Variants in ARHGEF3 observed in about 807,000 individuals in gnomAD.
ARHGEF3 encodes 59.8 kDA protein.
A neutral mutation model predicts 63.2 loss-of-function variants in ARHGEF3; 28 were observed. That is an observed-to-expected ratio of 0.44 (90% confidence interval 0.33 to 0.61). The LOEUF (loss-of-function observed/expected upper bound fraction) is 0.61. ARHGEF3 is among the 20% of genes least tolerant of loss of function. The pLI is 0.03. For synonymous variants in ARHGEF3, 266 were observed against 254.2 expected (o/e 1.05, Z -0.44); for missense variants, 533 against 659.3 (o/e 0.81, Z 2.10).
intron 4 of ARHGEF3, among the ~76,000 whole-genome samples, chr3:56,849,677 A>C (rs891519598): frequency 2.7e-5 from 4 of 147,536 alleles, no homozygotes; most frequent in Admixed American, 6.8e-5. Flanking sequence ...AAAAAAAAAA[A>C]CAAGAAATTT....
chr3:56,777,419 A>G (rs1438973332), intron 1 of ARHGEF3, among the ~76,000 whole-genome samples: 1 of 152,256 alleles, frequency 6.6e-6, no homozygotes, highest in Non-Finnish European at 1.5e-5. Context: ...ATTATGAACA[A>G]AGGAGAATAA....
intron 2 of ARHGEF3, among the ~76,000 whole-genome samples, chr3:56,755,588 A>G (rs1041045071): frequency 3.9e-5 from 6 of 152,210 alleles, no homozygotes; most frequent in Admixed American, 3.9e-4. Flanking sequence ...AATCCCACTA[A>G]CTTTGGGTAT....
intron 2 of ARHGEF3, among the ~76,000 whole-genome samples, chr3:56,968,200 A>G (rs1700711538): frequency 2.7e-4 from 7 of 26,282 alleles, no homozygotes; most frequent in African/African-American, 6.9e-4. Flanking sequence ...TATATATAAT[A>G]TATAAAAATA....
chr3:56,773,924 G>A, intron 1 of ARHGEF3, 108 bp from the exon 2 acceptor site: 1 of 866,492 alleles, frequency 1.2e-6, no homozygotes, highest in Non-Finnish European at 1.7e-6. Context: ...GTTGTACACT[G>A]ATCTATGGAA....
intron 1 of ARHGEF3, among the ~76,000 whole-genome samples, chr3:56,779,114 C>T (rs1445171059): frequency 6.6e-6 from 1 of 152,184 alleles, no homozygotes; most frequent in Non-Finnish European, 1.5e-5. Context: ...GCATATTCTC[C>T]CTGCAGCTGG....
At chr3:56,741,182 TTC>T (rs1386836361) in intron 7 of ARHGEF3, among the ~76,000 whole-genome samples, 8 of 126,698 alleles carry the variant, frequency 6.3e-5, no homozygotes, top group Non-Finnish European at 9.6e-5. Context: ...TCTGCTTTGG[TTC>T]TTTTTTTTTT....
chr3:56,818,523 A>G (rs1273773507), intron 4 of ARHGEF3, among the ~76,000 whole-genome samples: 3 of 152,330 alleles, frequency 2.0e-5, no homozygotes, highest in Non-Finnish European at 4.4e-5. Context: ...AATTCAAAGG[A>G]AAAAAGACCT....
intron 6 of ARHGEF3, 80 bp from the exon 7 acceptor site, chr3:56,745,542 C>G: frequency 6.6e-7 from 1 of 1,507,410 alleles, no homozygotes; most frequent in African/African-American, 1.4e-5. Flanking sequence ...TTTATTGGGA[C>G]TGAACAAACA....
chr3:56,959,039 C>T, intron 2 of ARHGEF3: 1 of 810,320 alleles, frequency 1.2e-6, no homozygotes, highest in East Asian at 2.7e-5. Flanking sequence ...CTGCAATCTT[C>T]AGCAGCCAAA....
chr3:57,016,508 A>G (rs1703010413), intron 2 of ARHGEF3, among the ~76,000 whole-genome samples: 4 of 152,216 alleles, frequency 2.6e-5, no homozygotes, highest in Admixed American at 2.6e-4. Context: ...AGATCGCACC[A>G]CCGCACTCCA....
chr3:56,964,710 C>T (rs1440265540), intron 2 of ARHGEF3, among the ~76,000 whole-genome samples: 2 of 152,024 alleles, frequency 1.3e-5, no homozygotes, highest in African/African-American at 4.8e-5. Context: ...GTGAGGAGTG[C>T]CGCAGGGTCT....
intron 1 of ARHGEF3, among the ~76,000 whole-genome samples, chr3:57,036,047 C>T (rs762780601): frequency 6.6e-6 from 1 of 152,110 alleles, no homozygotes. Flanking sequence ...TTATTTGGAG[C>T]TTGGTACACA....
rs764664184 is a variant in ARHGEF3, at chr3:56,728,871, C to T, written c.*399G>A. The T allele has an allele frequency of 3.9e-5, 7 of 180,872 alleles. No individual in the cohort carries two copies. Among genetic ancestry groups the T allele is most frequent in the Non-Finnish European group, 5.9e-5 (5 of 84,402 alleles). 11.2% of individuals were successfully genotyped at this position (180,872 alleles called of 1,614,324 possible). ...CCTATTTACAAGGCCGTCTAAATTCCGTGCCTTTAGCTACCACATCTAAGA... is the reference window on the plus strand; with the variant it reads ...CCTATTTACAAGGCCGTCTAAATTCTGTGCCTTTAGCTACCACATCTAAGA... On this transcript the variant is annotated 3_prime_UTR_variant, in exon 10 of 10. Transcript: ENST00000296315.
At position 56,793,326 on chromosome 3, in the gene ARHGEF3, C is replaced by T. The variant is rs571123209; in HGVS notation, c.96+8377G>A. Among the ~76,000 whole-genome samples, 9 of 152,304 alleles carry T rather than the reference C, an allele frequency of 5.9e-5. No individual in the cohort carries two copies. In the South Asian group the frequency reaches 1.2e-3, roughly 21 times the overall value. ...CTGGGGCTACAGGTGCCCGCCACCG[C>T]GCCCGGCTAATTTTTTGTATTTTTA... On this transcript the variant is annotated intron_variant, in intron 1 of 9. Coordinates refer to ENST00000296315, the MANE Select transcript of ARHGEF3 (RefSeq NM_019555.3).
intron 2 of ARHGEF3, among the ~76,000 whole-genome samples, chr3:56,983,390 G>A (rs982088199): frequency 1.3e-5 from 2 of 152,050 alleles, no homozygotes; most frequent in Non-Finnish European, 2.9e-5. Flanking sequence ...CCCTTCCCTG[G>A]CCACTCATGT....
At chr3:56,992,372 C>CT (rs1701782681) in intron 2 of ARHGEF3, among the ~76,000 whole-genome samples, 2 of 59,596 alleles carry the variant, frequency 3.4e-5, no homozygotes, top group Non-Finnish European at 6.5e-5. Context: ...GGGAGGATGG[C>CT]TTTAAAAAAA....
chr3:57,058,706 C>T (rs200134980), intron 1 of ARHGEF3, among the ~76,000 whole-genome samples: 49 of 152,036 alleles, frequency 3.2e-4, no homozygotes, highest in Admixed American at 1.6e-3. Context: ...ATGTTTATTG[C>T]GGCACTATTC....
chr3:57,030,232 G>A (rs904996507), intron 2 of ARHGEF3, among the ~76,000 whole-genome samples: 1 of 152,334 alleles, frequency 6.6e-6, no homozygotes, highest in East Asian at 1.9e-4. Flanking sequence ...GAGGGCCTGG[G>A]CCGGATGTCA....
At chr3:56,828,979 G>A (rs2038834621) in intron 4 of ARHGEF3, among the ~76,000 whole-genome samples, 1 of 151,868 alleles carries the variant, frequency 6.6e-6, no homozygotes, top group Non-Finnish European at 1.5e-5. Context: ...TAGGCTGGAG[G>A]GCAGTGGCGC....
Sources: allele counts gnomAD v4.1 joint callset (sites outside exome capture counted in the v4.1 genomes callset), GRCh38; gene constraint gnomAD v4.1.1; transcripts MANE v1.5; gene names NCBI Gene and HGNC (gene_info 2026-07-23, HGNC 2026-07-21).